The following PIGX variants were observed in gnomAD, a reference collection of about 807,000 sequenced individuals.
PIGX encodes phosphatidylinositol glycan anchor biosynthesis class X, also known as GPI alpha-1,4-mannosyltransferase I, stabilizing subunit.
PIGX carries 24 observed loss-of-function variants against 28.7 expected under a neutral mutation model. The observed-to-expected ratio is 0.84, with a 90% confidence interval of 0.60 to 1.17. The LOEUF is 1.17. PIGX is among the 50% of genes most tolerant of loss of function. PIGX has a pLI of 0.00. For synonymous variants in PIGX, 127 were observed against 121.0 expected (o/e 1.05, Z -0.33); for missense variants, 305 against 317.8 (o/e 0.96, Z 0.31).
intron 2 of PIGX, among the ~76,000 whole-genome samples, chr3:196,720,065 A>T (rs1240435510): frequency 2.0e-5 from 3 of 152,236 alleles, no homozygotes; most frequent in African/African-American, 7.2e-5. Flanking sequence ...GGCGTGAGCC[A>T]CCGCGCCCGG....
intron 1 of PIGX, chr3:196,713,094 C>T (rs1048751129): frequency 1.0e-6 from 1 of 985,232 alleles, no homozygotes; most frequent in African/African-American, 1.7e-5. Flanking sequence ...ACTACTGAGA[C>T]GGGCAAGTGC....
At position 196,733,693 on chromosome 3, in the gene PIGX, A is replaced by G. The variant is rs186022017; in HGVS notation, c.634-66A>G. ...CTCCCGAAGTGCTGGGATTACAGGC[A>G]TGAGCTACCACACCGGGCCCATGAC... is the stretch of plus-strand genomic sequence containing the variant. On this transcript the variant is annotated intron_variant, in intron 5 of 5. Coordinates refer to ENST00000392391, the MANE Select transcript of PIGX (RefSeq NM_017861.4). The surrounding 1 kb of genome is among the most constrained non-coding windows in gnomAD (Gnocchi z 4.3). The G allele has an allele frequency of 4.2e-3, 5,191 of 1,223,238 alleles. 25 individuals are homozygous for G. Among genetic ancestry groups the G allele is most frequent in the Non-Finnish European group, 5.3e-3 (4,474 of 838,824 alleles). The allele number at this position is 1,223,238 out of a possible 1,614,324, so 75.8% of individuals were successfully genotyped here.
intron 2 of PIGX, among the ~76,000 whole-genome samples, chr3:196,720,727 C>G (rs1306128092): frequency 6.9e-6 from 1 of 145,104 alleles, no homozygotes; most frequent in Non-Finnish European, 1.5e-5. Context: ...TTTATATTCC[C>G]CCACATACTT....
chr3:196,712,413 C>A lies in PIGX; in HGVS notation c.-120C>A. ...GCGGGCGCTAGGCGCGCGCACCCAG[C>A]ACTCGGTCCCAGCCGATAAATCTGG... On this transcript the variant is annotated 5_prime_UTR_variant, in exon 1 of 6. Coordinates refer to ENST00000392391, the MANE Select transcript of PIGX (RefSeq NM_017861.4). The A allele has an allele frequency of 2.6e-6, 1 of 388,296 alleles. No individual in the cohort carries two copies. Among genetic ancestry groups the A allele is most frequent in the Non-Finnish European group, 3.9e-6 (1 of 256,216 alleles). The allele number at this position is 388,296 out of a possible 1,614,324, so 24.1% of individuals were successfully genotyped here. A position where few individuals can be genotyped will look rare whatever the true frequency, so the allele number is the denominator to read the frequency against.
chr3:196,719,816 G>A lies in PIGX; in HGVS notation c.177-2599G>A, dbSNP rs1417451188. Among the ~76,000 whole-genome samples, 7 of 151,270 alleles carry A rather than the reference G, an allele frequency of 4.6e-5. No homozygotes were observed. In the East Asian group the frequency reaches 9.7e-4, roughly 21 times the overall value. Reference sequence around the variant, plus strand: ...TTTTAACTTTTTTTTTTTTGGTATGGGGTCTCGCTCTGTTGCCAGGCTGGA... The same window carrying A: ...TTTTAACTTTTTTTTTTTTGGTATGAGGTCTCGCTCTGTTGCCAGGCTGGA... On this transcript the variant is annotated intron_variant, in intron 2 of 5. Coordinates refer to ENST00000392391, the MANE Select transcript of PIGX (RefSeq NM_017861.4).
In PIGX at chr3:196,728,395, T is replaced by C. The variant is rs1225221443; in HGVS notation, c.532+259T>C. 5 of 587,714 alleles carry C rather than the reference T, an allele frequency of 8.5e-6. No individual in the cohort carries two copies. The South Asian group carries it at 1.1e-4, about 13-fold the overall frequency. 36.4% of individuals were successfully genotyped at this position (587,714 alleles called of 1,614,324 possible). A position where few individuals can be genotyped will look rare whatever the true frequency, so the allele number is the denominator to read the frequency against. ...GTCCTTGACTGCGCTGCCCCAACTGTCATCTCCTTCCCTCTAAGACGAACC... is the reference window on the plus strand; with the variant it reads ...GTCCTTGACTGCGCTGCCCCAACTGCCATCTCCTTCCCTCTAAGACGAACC... On this transcript the variant is annotated intron_variant, in intron 4 of 5. Coordinates refer to ENST00000392391, the MANE Select transcript of PIGX (RefSeq NM_017861.4).
At chr3:196,718,004 C>T (rs1340390648) in intron 2 of PIGX, 1 of 151,652 alleles carries the variant, frequency 6.6e-6, no homozygotes, top group East Asian at 1.9e-4. Flanking sequence ...AATTCTGATT[C>T]ATTTATTTTT....
chr3:196,712,819 G>A (rs1260036139), intron 1 of PIGX, 175 bp downstream of exon 1: 2 of 1,102,480 alleles, frequency 1.8e-6, no homozygotes, highest in Non-Finnish European at 2.2e-6. Context: ...GCTTTGCTCT[G>A]CGGCGGATCC....
chr3:196,722,359 T>C, intron 2 of PIGX, 56 bp from the exon 3 acceptor site: 1 of 1,303,374 alleles, frequency 7.7e-7, no homozygotes, highest in Admixed American at 2.0e-5. Flanking sequence ...CAGTGTTATG[T>C]TATCTCATTT....
At chr3:196,715,358 CGTA>C (rs2108674684) in intron 1 of PIGX, among the ~76,000 whole-genome samples, 1 of 152,244 alleles carries the variant, frequency 6.6e-6, no homozygotes, top group Admixed American at 6.5e-5. Context: ...TAATCGGTCA[CGTA>C]GTTAGTTGTA....
At position 196,728,107 on chromosome 3, in the gene PIGX, AC is replaced by A. The variant is rs775145862; in HGVS notation, c.506del (p.Pro169GlnfsTer4). Reference sequence around the variant, plus strand: ...GGAGAAGCCTCGATTGTGGTCAATAACCCAGATTTGTTGATGTTTTGTGACC... The same window carrying A: ...GGAGAAGCCTCGATTGTGGTCAATAACCAGATTTGTTGATGTTTTGTGACC... On this transcript the variant is annotated frameshift_variant, in exon 4 of 6. Coordinates refer to ENST00000392391, the MANE Select transcript of PIGX (RefSeq NM_017861.4). LOFTEE classifies it high-confidence loss of function. 1.2e-6 allele frequency: 2 copies of A among 1,614,166 alleles called. No homozygotes were observed. The highest frequency in any genetic ancestry group is 3.3e-5 in the Admixed American group (2 of 60,014).
At position 196,728,141 on chromosome 3, in the gene PIGX, G is replaced by A. The variant is rs1170965279; in HGVS notation, c.532+5G>A. 1.9e-6 allele frequency: 3 copies of A among 1,610,258 alleles called. No homozygotes were observed. Among genetic ancestry groups the A allele is most frequent in the Non-Finnish European group, 2.5e-6 (3 of 1,176,654 alleles). ...TGTTGATGTTTTGTGACCAAGGTGA[G>A]GGCTGCAAGTGTTTTCTAAGGGTTG... On this transcript the variant is annotated splice_donor_5th_base_variant and intron_variant, in intron 4 of 5. Coordinates refer to ENST00000392391, the MANE Select transcript of PIGX (RefSeq NM_017861.4).
In PIGX at chr3:196,735,495, A is replaced by T. The variant is rs1352355221; in HGVS notation, c.*1593A>T. ...GTTTTCATGGGACTACATCTTGTAT[A>T]ATTTGACATGTATGACCTGACTAGT... On this transcript the variant is annotated 3_prime_UTR_variant, in exon 6 of 6. Coordinates refer to ENST00000392391, the MANE Select transcript of PIGX (RefSeq NM_017861.4). The T allele has an allele frequency of 5.3e-5, 8 of 151,958 alleles. No homozygotes were observed. The highest frequency in any genetic ancestry group is 1.0e-4 in the Non-Finnish European group (7 of 67,994). 9.4% of individuals were successfully genotyped at this position (151,958 alleles called of 1,614,324 possible).
chr3:196,713,450 T>C (rs977285845), intron 1 of PIGX, among the ~76,000 whole-genome samples: 4 of 151,656 alleles, frequency 2.6e-5, no homozygotes, highest in African/African-American at 9.7e-5. Context: ...TTATTACAGG[T>C]GCCCGCCACC....
chr3:196,718,582 GA>G (rs1449274392), intron 2 of PIGX, among the ~76,000 whole-genome samples: 1 of 152,130 alleles, frequency 6.6e-6, no homozygotes, highest in Non-Finnish European at 1.5e-5. Flanking sequence ...TTGGTCATGC[GA>G]TATTATCTTC....
Position 196,722,538 on chromosome 3 carries a change from A to G in PIGX, c.300A>G (p.Arg100=), listed in dbSNP as rs993690419. Reference sequence around the variant, plus strand: ...ATCCGTATGAGTTGGCTTCATTACGAGAGAGAAACATAACAGAGGTACAGT... The same window carrying G: ...ATCCGTATGAGTTGGCTTCATTACGGGAGAGAAACATAACAGAGGTACAGT... The change falls in exon 3 of 6, where the codon CGA becomes CGG. Residue 100 remains arginine, a synonymous_variant. Transcript: ENST00000392391. 2.0e-5 allele frequency: 33 copies of G among 1,613,452 alleles called. No individual in the cohort carries two copies. The highest frequency in any genetic ancestry group is 2.5e-5 in the Non-Finnish European group (30 of 1,179,638).
Position 196,733,693 on chromosome 3 carries a change from A to C in PIGX, c.634-66A>C. The stretch of plus-strand genomic sequence containing the variant: ...CTCCCGAAGTGCTGGGATTACAGGC[A>C]TGAGCTACCACACCGGGCCCATGAC... On this transcript the variant is annotated intron_variant, in intron 5 of 5. Coordinates refer to ENST00000392391, the MANE Select transcript of PIGX (RefSeq NM_017861.4). This position sits in a 1 kb window ranked among gnomAD's most constrained non-coding sequence, Gnocchi z 4.3. 2 of 1,223,290 alleles carry C rather than the reference A, an allele frequency of 1.6e-6. No homozygotes were observed. The highest frequency in any genetic ancestry group is 2.4e-6 in the Non-Finnish European group (2 of 838,868). 75.8% of individuals were successfully genotyped at this position (1,223,290 alleles called of 1,614,324 possible).
chr3:196,722,599 G>T (rs1712365693), intron 3 of PIGX, 43 bp downstream of exon 3: 2 of 1,542,768 alleles, frequency 1.3e-6, no homozygotes, highest in African/African-American at 2.8e-5. Context: ...ATTAATTTAG[G>T]GGTGCTGTAG....
In PIGX at chr3:196,718,957, G is replaced by A. The variant is rs143807702; in HGVS notation, c.176+2036G>A. 3.0e-3 allele frequency among the ~76,000 whole-genome samples: 450 copies of A among 152,032 alleles called. 6 individuals carry two copies. In the East Asian group the frequency reaches 0.04, roughly 14 times the overall value. On this transcript the variant is annotated intron_variant, in intron 2 of 5. Coordinates refer to ENST00000392391, the MANE Select transcript of PIGX (RefSeq NM_017861.4). The stretch of plus-strand genomic sequence containing the variant: ...TATGACTGACAATATTCCTTGTCCC[G>A]AAGTCACCTTATTCTAATATTAATA...
Sources: gnomAD v4.1 joint callset for allele counts (sites outside exome capture counted in the v4.1 genomes callset) on GRCh38, gnomAD v4.1.1 for gene constraint, Gnocchi (gnomAD v3.1) non-coding constraint, MANE v1.5 for transcripts, NCBI Gene and HGNC (gene_info 2026-07-23, HGNC 2026-07-21) for gene names.